SPATA33: variants seen among roughly 807,000 people sequenced by gnomAD.
The protein encoded by SPATA33 is spermatogenesis associated 33, also known as spermatogenesis-associated protein 33.
SPATA33 carries 10 observed loss-of-function variants against 8.9 expected under a neutral mutation model. The ratio of observed to expected loss-of-function variants is 1.12; its 90% CI spans 0.69 to 1.90. SPATA33 has a LOEUF of 1.90. SPATA33 is among the 40% of genes most tolerant of loss of function. The pLI, the probability that SPATA33 is intolerant of heterozygous loss-of-function variation, is 0.00. For synonymous variants in SPATA33, 96 were observed against 72.8 expected (o/e 1.32, Z -1.63); for missense variants, 241 against 178.3 (o/e 1.35, Z -2.00).
At position 89,669,303 on chromosome 16, in the gene SPATA33, C is replaced by G; in HGVS notation, c.229C>G (p.Gln77Glu). The G allele has an allele frequency of 6.2e-7, 1 of 1,614,172 alleles. No individual in the cohort carries two copies. Among genetic ancestry groups the G allele is most frequent in the Non-Finnish European group, 8.5e-7 (1 of 1,180,018 alleles). The change falls in exon 3 of 3, where the codon CAA becomes GAA. Residue 77 changes from glutamine to glutamate, a missense_variant. Physicochemically the swap from Gln to Glu is conservative, Grantham distance 29. Transcript: ENST00000579310. ...TCCTCTAGAGAAACCTGATGTAAAG[C>G]AAAAGTCCAGCAGGAAGAAAGTGGT... Reference protein sequence around the residue: ...ASLEEKPDVKQKSSRKKVVVP... With the variant: ...ASLEEKPDVKEKSSRKKVVVP...
At chr16:89,657,985 C>G (rs759842731) in intron 1 of SPATA33, 37 bp downstream of exon 1, 1 of 1,503,104 alleles carries the variant, frequency 6.7e-7, no homozygotes, top group South Asian at 1.2e-5. Flanking sequence ...CCCGCGTCTC[C>G]GCCCCTGGGC....
At chr16:89,663,350 C>T (rs777561864) in intron 2 of SPATA33, among the ~76,000 whole-genome samples, 36 of 151,194 alleles carry the variant, frequency 2.4e-4, no homozygotes, top group Non-Finnish European at 5.2e-4. Context: ...GTAGCTGGGA[C>T]TACAGGCATG....
chr16:89,664,462 A>C lies in SPATA33; in HGVS notation c.212-4824A>C, dbSNP rs534406971. Among the ~76,000 whole-genome samples the C allele has an allele frequency of 1.7e-3, 265 of 152,178 alleles. 1 individual carries two copies. The highest frequency in any genetic ancestry group is 2.5e-3 in the Non-Finnish European group (172 of 68,028). On this transcript the variant is annotated intron_variant, in intron 2 of 2. Transcript: ENST00000579310. Reference sequence around the variant, plus strand: ...GGTGTGTCTCTCCTGCGATTAGCTCACTCATCCATTGAGTTTGACGTCATC... The same window carrying C: ...GGTGTGTCTCTCCTGCGATTAGCTCCCTCATCCATTGAGTTTGACGTCATC...
chr16:89,663,308 C>T (rs1352670886), intron 2 of SPATA33, among the ~76,000 whole-genome samples: 3 of 150,784 alleles, frequency 2.0e-5, no homozygotes, highest in Admixed American at 6.6e-5. Context: ...CTTGGTCTCC[C>T]GGGTTCAAGC....
intron 2 of SPATA33, among the ~76,000 whole-genome samples, chr16:89,668,521 C>A (rs915359434): frequency 2.0e-5 from 3 of 152,346 alleles, no homozygotes; most frequent in South Asian, 4.1e-4. Context: ...ATCCTGCTCT[C>A]CCAGAAGCCT....
chr16:89,668,545 C>G (rs1045493263), intron 2 of SPATA33, among the ~76,000 whole-genome samples: 1 of 152,132 alleles, frequency 6.6e-6, no homozygotes, highest in Non-Finnish European at 1.5e-5. Flanking sequence ...CAGCTGTGCC[C>G]TAGCTCGTAG....
intron 2 of SPATA33, among the ~76,000 whole-genome samples, chr16:89,668,402 T>G (rs147333782): frequency 6.6e-6 from 1 of 152,346 alleles, no homozygotes; most frequent in Non-Finnish European, 1.5e-5. Context: ...CTACCAAGTG[T>G]CCCCACAAAG....
At chr16:89,658,061 G>A (rs967993763) in intron 1 of SPATA33, 113 bp downstream of exon 1, 2 of 1,462,798 alleles carry the variant, frequency 1.4e-6, no homozygotes, top group African/African-American at 2.9e-5. Context: ...TCGGCCCGGT[G>A]CGAACCGTTC....
chr16:89,666,909 A>G (rs1221299595), intron 2 of SPATA33, among the ~76,000 whole-genome samples: 1 of 152,226 alleles, frequency 6.6e-6, no homozygotes, highest in African/African-American at 2.4e-5. Context: ...TGCTACTGCT[A>G]TCTAAAAGGC....
At chr16:89,660,365 G>A in intron 2 of SPATA33, 1 of 781,392 alleles carries the variant, frequency 1.3e-6, no homozygotes, top group Non-Finnish European at 1.7e-6. Context: ...GGAGTGGGCA[G>A]GACCTCTGCC....
chr16:89,662,425 T>C (rs1352953805), intron 2 of SPATA33, among the ~76,000 whole-genome samples: 1 of 152,118 alleles, frequency 6.6e-6, no homozygotes, highest in Non-Finnish European at 1.5e-5. Context: ...AACACTTTTT[T>C]TTTTTTTTGA....
At chr16:89,658,215 T>G (rs764599786) in intron 1 of SPATA33, 33 bp from the exon 2 acceptor site, 1 of 1,612,802 alleles carries the variant, frequency 6.2e-7, no homozygotes, top group Admixed American at 1.7e-5. Context: ...ATTCGGTAAG[T>G]CCCGGGTCTA....
intron 1 of SPATA33, 40 bp downstream of exon 1, chr16:89,657,988 C>T (rs950737585): frequency 3.5e-5 from 52 of 1,503,476 alleles, no homozygotes; most frequent in African/African-American, 5.8e-5. Flanking sequence ...GCGTCTCCGC[C>T]CCTGGGCGCG....
At chr16:89,660,981 G>A (rs918504194) in intron 2 of SPATA33, 96 of 998,812 alleles carry the variant, frequency 9.6e-5, no homozygotes, top group South Asian at 4.7e-4. Flanking sequence ...GAGCTTCCCT[G>A]TACGTCTCAG....
At chr16:89,669,143 G>A (rs1166431446) in intron 2 of SPATA33, 143 bp from the exon 3 acceptor site, 6 of 726,764 alleles carry the variant, frequency 8.3e-6, no homozygotes, top group Non-Finnish European at 1.4e-5. Context: ...TTCATGGACA[G>A]TTTTGATCAC....
Position 89,661,074 on chromosome 16 carries a change from A to G in SPATA33, c.211+2653A>G, listed in dbSNP as rs894056285. The G allele has an allele frequency of 4.1e-6, 4 of 986,308 alleles. No homozygotes were observed. The African/African-American group carries it at 5.2e-5, about 13-fold the overall frequency. The allele number at this position is 986,308 out of a possible 1,614,324, so 61.1% of individuals were successfully genotyped here. On this transcript the variant is annotated intron_variant, in intron 2 of 2. Transcript: ENST00000579310. ...AACGTGTCCTGAACCCATAAAATCCAGAGAAAAGAAAATCGTTTTAAACTG... is the reference window on the plus strand; with the variant it reads ...AACGTGTCCTGAACCCATAAAATCCGGAGAAAAGAAAATCGTTTTAAACTG...
At chr16:89,669,186 A>G in intron 2 of SPATA33, 100 bp from the exon 3 acceptor site, 1 of 1,106,024 alleles carries the variant, frequency 9.0e-7, no homozygotes, top group Non-Finnish European at 1.4e-6. Context: ...TGCTAACCAT[A>G]CATCTTAATT....
Position 89,669,274 on chromosome 16 carries a change from T to G in SPATA33, c.212-12T>G, listed in dbSNP as rs1259132578. On this transcript the variant is annotated splice_polypyrimidine_tract_variant and intron_variant, in intron 2 of 2. Transcript: ENST00000579310. ...ACACATCTACTAAATGCCTGGATGT[T>G]TTTTCCTCTAGAGAAACCTGATGTA... is the stretch of plus-strand genomic sequence containing the variant. The G allele has an allele frequency of 6.2e-7, 1 of 1,613,900 alleles. No individual in the cohort carries two copies. Among genetic ancestry groups the G allele is most frequent in the South Asian group, 1.1e-5 (1 of 91,060 alleles).
rs559968241 is a variant in SPATA33 at position 89,663,658 on chromosome 16, C to T, written c.211+5237C>T. Among the ~76,000 whole-genome samples the T allele has an allele frequency of 5.3e-5, 8 of 151,852 alleles. No homozygotes were observed. In the South Asian group the frequency reaches 1.3e-3, roughly 24 times the overall value. On this transcript the variant is annotated intron_variant, in intron 2 of 2. Transcript: ENST00000579310. ...AGGGAGTGAGGGGGTCTGTGAAGGGCAGGGCTTTGGGGTTGGGGTAGGGAG... is the reference window on the plus strand; with the variant it reads ...AGGGAGTGAGGGGGTCTGTGAAGGGTAGGGCTTTGGGGTTGGGGTAGGGAG...
Sources: gnomAD v4.1 joint callset for allele counts (sites outside exome capture counted in the v4.1 genomes callset) on GRCh38, gnomAD v4.1.1 for gene constraint, MANE v1.5 for transcripts, NCBI Gene and HGNC (gene_info 2026-07-23, HGNC 2026-07-21) for gene names.